The following DARS1 variants were observed in gnomAD, a reference collection of about 807,000 sequenced individuals.
The protein encoded by DARS1 is aspartyl-tRNA synthetase 1.
A neutral mutation model predicts 68.8 loss-of-function variants in DARS1; 51 were observed. That is an observed-to-expected ratio of 0.74 (90% CI 0.59 to 0.94). The LOEUF (loss-of-function observed/expected upper bound fraction) is 0.94, where lower values mean the gene tolerates loss of function less well. Ranked by LOEUF, DARS1 falls within the 40% of genes least tolerant of loss-of-function variation. DARS1 has a pLI of 0.00. For synonymous variants in DARS1, 203 were observed against 190.4 expected (o/e 1.07, Z -0.55); for missense variants, 607 against 597.3 (o/e 1.02, Z -0.17).
chr2:135,971,930 T>C (rs1222381774), intron 3 of DARS1, among the ~76,000 whole-genome samples: 6 of 151,826 alleles, frequency 4.0e-5, no homozygotes. Context: ...TTGAAAGAAA[T>C]TGAAGAGGAA....
Position 135,961,464 on chromosome 2 carries a change from C to T in DARS1, c.252G>A (p.Gln84=), listed in dbSNP as rs766015044. ...CCGCCACAAGAGCCTGGACATTAAA[C>T]TGCTGCTGACGTAGGACTAAGAAGC... ...KQCFLVLRQQ[Q]FNVQALVAVG... Residue 84 remains glutamine (Q), a synonymous_variant, in exon 4 of 16, where the codon CAG becomes CAA. Transcript: ENST00000264161. 6.5e-7 allele frequency: 1 copy of T among 1,548,122 alleles called. No homozygotes were observed. The highest frequency in any genetic ancestry group is 1.7e-5 in the Admixed American group (1 of 59,932).
intron 3 of DARS1, among the ~76,000 whole-genome samples, chr2:135,978,255 T>C (rs1682546719): frequency 6.6e-6 from 1 of 151,708 alleles, no homozygotes; most frequent in African/African-American, 2.4e-5. Flanking sequence ...ATAATGGGCA[T>C]GTATTAATTC....
chr2:135,909,800 T>C (rs147456314), intron 15 of DARS1, among the ~76,000 whole-genome samples: 3 of 152,296 alleles, frequency 2.0e-5, no homozygotes, highest in African/African-American at 4.8e-5. Flanking sequence ...ATAGATAAAA[T>C]AGGTTTGAGT....
chr2:135,958,111 C>A (rs1017389710), intron 4 of DARS1, among the ~76,000 whole-genome samples: 1 of 152,016 alleles, frequency 6.6e-6, no homozygotes, highest in Non-Finnish European at 1.5e-5. Context: ...TCACAATTAA[C>A]CAAAATTCTG....
At chr2:135,917,536 T>G (rs948469903) in intron 10 of DARS1, among the ~76,000 whole-genome samples, 2 of 151,612 alleles carry the variant, frequency 1.3e-5, no homozygotes, top group African/African-American at 2.4e-5. Context: ...AGCGCAGTGG[T>G]GCAATCTTGG....
rs1681092012 is a variant in DARS1 at position 135,920,531 on chromosome 2, G to A, written c.881C>T (p.Ala294Val). 6.2e-7 allele frequency: 1 copy of A among 1,613,696 alleles called. No homozygotes were observed. The change falls in exon 10 of 16, where the codon GCT (alanine) becomes GTT (valine). Residue 294 changes from alanine to valine, a missense_variant. By Grantham distance (64) the Ala-to-Val change is moderately conservative. Transcript: ENST00000264161. ...AACTTCGTGGTAATGGTAATTAAAA[G>A]CCATTTCAATGTCCAAACCAACAAA... ...TEFVGLDIEM[A>V]FNYHYHEVME...
chr2:135,954,877 T>C (rs905342700), intron 4 of DARS1, among the ~76,000 whole-genome samples: 2 of 152,102 alleles, frequency 1.3e-5, no homozygotes, highest in Non-Finnish European at 2.9e-5. Context: ...ATGGGCAGCA[T>C]AACCTTTACA....
chr2:135,923,479 G>A (rs932673441), intron 8 of DARS1, among the ~76,000 whole-genome samples: 3 of 152,106 alleles, frequency 2.0e-5, no homozygotes, highest in East Asian at 3.9e-4. Flanking sequence ...TAGTACAGAC[G>A]GGGTTTCATC....
At chr2:135,908,701 A>C (rs929088763) in intron 15 of DARS1, among the ~76,000 whole-genome samples, 2 of 152,188 alleles carry the variant, frequency 1.3e-5, no homozygotes, top group African/African-American at 4.8e-5. Context: ...TTGTTGGCTC[A>C]TAAATGTCTT....
At chr2:135,938,394 C>CT (rs1681517993) in intron 5 of DARS1, among the ~76,000 whole-genome samples, 1 of 152,192 alleles carries the variant, frequency 6.6e-6, no homozygotes, top group South Asian at 2.1e-4. Context: ...TTCATCTAAT[C>CT]TTTTTTTCAA....
chr2:135,935,354 T>C (rs924914611), intron 5 of DARS1, among the ~76,000 whole-genome samples: 1 of 151,526 alleles, frequency 6.6e-6, no homozygotes, highest in Non-Finnish European at 1.5e-5. Context: ...CCCAGCACTT[T>C]GGGAGGCCGA....
At chr2:135,975,937 A>G (rs1268014784) in intron 3 of DARS1, among the ~76,000 whole-genome samples, 1 of 152,166 alleles carries the variant, frequency 6.6e-6, no homozygotes, top group African/African-American at 2.4e-5. Flanking sequence ...TGACAGGGCA[A>G]GACTCCACCT....
rs140631821 is a variant in DARS1, at chr2:135,963,465, G to A, written c.218-1967C>T. 7.0e-3 allele frequency among the ~76,000 whole-genome samples: 1,062 copies of A among 151,416 alleles called. 6 individuals carry two copies. The highest frequency in any genetic ancestry group is 0.021 in the Middle Eastern group (6 of 290). On this transcript the variant is annotated intron_variant, in intron 3 of 15. Transcript: ENST00000264161. ...CAGCTCACTGCAACCTCCGCCCCCC[G>A]GGTTCAAGCGATTCTCCTGCCTCAG... is the stretch of plus-strand genomic sequence containing the variant.
chr2:135,920,324 C>T, intron 10 of DARS1, 129 bp downstream of exon 10: 2 of 1,349,920 alleles, frequency 1.5e-6, no homozygotes, highest in East Asian at 2.7e-5. Flanking sequence ...AATGGATCAT[C>T]TAACTGGTAA....
At chr2:135,921,656 T>C (rs1397520138) in intron 9 of DARS1, among the ~76,000 whole-genome samples, 1 of 152,208 alleles carries the variant, frequency 6.6e-6, no homozygotes, top group Non-Finnish European at 1.5e-5. Flanking sequence ...GCAGGCACAA[T>C]ATTGATTCCC....
In DARS1 at chr2:135,907,242, C is replaced by CTTTTTTTTTTT. The variant is rs992435404; in HGVS notation, c.*63_*73dup. ...TACTGAAAAGAATAAGTGTGGCTTT[C>CTTTTTTTTTTT]TTTTTTTTTTTTTTTTTTTGAGGCA... is the stretch of plus-strand genomic sequence containing the variant. On this transcript the variant is annotated 3_prime_UTR_variant, in exon 16 of 16. Coordinates refer to ENST00000264161, the MANE Select transcript of DARS1 (RefSeq NM_001349.4). 1.1e-3 allele frequency: 484 copies of CTTTTTTTTTTT among 453,630 alleles called. 44 individuals carry two copies. Among genetic ancestry groups the CTTTTTTTTTTT allele is most frequent in the African/African-American group, 6.5e-3 (229 of 35,310 alleles). 28.1% of individuals were successfully genotyped at this position (453,630 alleles called of 1,614,324 possible).
At chr2:135,912,887 C>A (rs2104793921) in intron 12 of DARS1, among the ~76,000 whole-genome samples, 1 of 151,724 alleles carries the variant, frequency 6.6e-6, no homozygotes, top group African/African-American at 2.4e-5. Flanking sequence ...AGGAGCCTGG[C>A]TAATTTTTAA....
At position 135,952,635 on chromosome 2, in the gene DARS1, TTC is replaced by T. The variant is rs375105061; in HGVS notation, c.320+8759_320+8760del. Reference sequence around the variant, plus strand: ...TTTAGCACATGAGATCATCCAGTATTTCTCTGTGTCCAGCTTATTCCACTCAA... The same window carrying T: ...TTTAGCACATGAGATCATCCAGTATTTCTGTGTCCAGCTTATTCCACTCAA... On this transcript the variant is annotated intron_variant, in intron 4 of 15. Coordinates refer to ENST00000264161, the MANE Select transcript of DARS1 (RefSeq NM_001349.4). Among the ~76,000 whole-genome samples, 60 of 152,250 alleles carry T rather than the reference TTC, an allele frequency of 3.9e-4. 1 individual carries two copies. In the East Asian group the frequency reaches 0.01, roughly 25 times the overall value.
chr2:135,915,266 A>G (rs1680980294), intron 11 of DARS1, among the ~76,000 whole-genome samples: 1 of 152,166 alleles, frequency 6.6e-6, no homozygotes, highest in Non-Finnish European at 1.5e-5. Context: ...ATAAGTAGAT[A>G]GAAATTACCT....
Sources: gnomAD v4.1 joint callset for allele counts (sites outside exome capture counted in the v4.1 genomes callset) on GRCh38, gnomAD v4.1.1 for gene constraint, MANE v1.5 for transcripts, NCBI Gene and HGNC (gene_info 2026-07-23, HGNC 2026-07-21) for gene names.